CTNNA3: variants seen among roughly 807,000 people sequenced by gnomAD.
The protein encoded by CTNNA3 is catenin alpha-3.
CTNNA3 carries 76 observed loss-of-function variants against 95.7 expected under a neutral mutation model. The observed-to-expected ratio is 0.79, with a 90% confidence interval of 0.66 to 0.96. CTNNA3 has a LOEUF of 0.96. Ranked by LOEUF, CTNNA3 falls within the 40% of genes least tolerant of loss-of-function variation. The probability of loss-of-function intolerance (pLI) is 0.00; values close to 1 mark genes in which losing one functional copy is unlikely to be tolerated. For missense variants in CTNNA3, 1,191 were observed against 1,089.8 expected, an observed-to-expected ratio of 1.09 and a Z score of -1.31; for synonymous variants, 431 against 374.4, an observed-to-expected ratio of 1.15 and a Z score of -1.74.
intron 3 of CTNNA3, among the ~76,000 whole-genome samples, chr10:67,589,815 T>C (rs1842739851): frequency 6.6e-6 from 1 of 152,162 alleles, no homozygotes; most frequent in Admixed American, 6.6e-5. Flanking sequence ...TTCAAGTAAA[T>C]TTCAACCAAG....
At position 66,386,368 on chromosome 10, in the gene CTNNA3, C is replaced by A. The variant is rs1406015761; in HGVS notation, c.1532-7016G>T. Reference sequence around the variant, plus strand: ...CAATTGCTTCAAAGAGAATAAAATACCTAGGAATCCAACTTACAAGGGAAG... The same window carrying A: ...CAATTGCTTCAAAGAGAATAAAATAACTAGGAATCCAACTTACAAGGGAAG... On this transcript the variant is annotated intron_variant, in intron 11 of 17. Transcript: ENST00000433211. 2.0e-5 allele frequency among the ~76,000 whole-genome samples: 3 copies of A among 152,022 alleles called. No homozygotes were observed. In the East Asian group the frequency reaches 5.8e-4, roughly 29 times the overall value.
chr10:66,728,769 G>A (rs1848858124), intron 9 of CTNNA3, among the ~76,000 whole-genome samples: 1 of 151,998 alleles, frequency 6.6e-6, no homozygotes, highest in African/African-American at 2.4e-5. Context: ...TGTATTTTTA[G>A]TAGAGACAGG....
chr10:66,241,028 C>T (rs1481359573), intron 13 of CTNNA3, among the ~76,000 whole-genome samples: 1 of 145,022 alleles, frequency 6.9e-6, no homozygotes, highest in Non-Finnish European at 1.5e-5. Context: ...CCATGGATTG[C>T]CTTACACATA....
At chr10:66,002,866 G>A (rs570058431) in intron 15 of CTNNA3, among the ~76,000 whole-genome samples, 23 of 152,298 alleles carry the variant, frequency 1.5e-4, no homozygotes, top group African/African-American at 5.3e-4. Context: ...TATTCCGTTC[G>A]GGAAAGAAAA....
intron 16 of CTNNA3, among the ~76,000 whole-genome samples, chr10:65,969,538 C>A (rs954499474): frequency 1.3e-5 from 2 of 152,058 alleles, no homozygotes; most frequent in Non-Finnish European, 2.9e-5. Context: ...CTTTTTAAAG[C>A]AATCCAGAGA....
At chr10:65,952,607 A>C (rs2077643074) in intron 17 of CTNNA3, among the ~76,000 whole-genome samples, 1 of 152,126 alleles carries the variant, frequency 6.6e-6, no homozygotes, top group Admixed American at 6.6e-5. Flanking sequence ...AGGTTCAGAA[A>C]GCTCATTAAC....
At chr10:66,087,493 G>C (rs1455727343) in intron 14 of CTNNA3, among the ~76,000 whole-genome samples, 2 of 151,758 alleles carry the variant, frequency 1.3e-5, no homozygotes, top group Admixed American at 1.3e-4. Context: ...CTACAACAAA[G>C]AATTGTCTGG....
At chr10:66,443,785 A>C (rs928541018) in intron 11 of CTNNA3, among the ~76,000 whole-genome samples, 1 of 152,202 alleles carries the variant, frequency 6.6e-6, no homozygotes, top group African/African-American at 2.4e-5. Context: ...CTCCAAAGGA[A>C]CACAGCTCCT....
At chr10:66,568,618 C>G (rs1842781546) in intron 10 of CTNNA3, among the ~76,000 whole-genome samples, 1 of 151,984 alleles carries the variant, frequency 6.6e-6, no homozygotes, top group South Asian at 2.1e-4. Flanking sequence ...TTCCATTGCA[C>G]AGTTAAAGAG....
At chr10:67,174,051 T>G (rs1002909322) in intron 7 of CTNNA3, among the ~76,000 whole-genome samples, 1 of 152,226 alleles carries the variant, frequency 6.6e-6, no homozygotes, top group Non-Finnish European at 1.5e-5. Flanking sequence ...GATTGCTCTC[T>G]GCAAGACTTA....
intron 7 of CTNNA3, among the ~76,000 whole-genome samples, chr10:67,145,425 AAATTTTTTT>A (rs1860791819): frequency 7.5e-6 from 1 of 132,712 alleles, no homozygotes; most frequent in Non-Finnish European, 1.6e-5. Flanking sequence ...ATTATTTTTT[AAATTTTTTT>A]AGTTTTTTTT....
At chr10:67,375,957 C>T (rs1843672325) in intron 5 of CTNNA3, among the ~76,000 whole-genome samples, 1 of 152,062 alleles carries the variant, frequency 6.6e-6, no homozygotes, top group South Asian at 2.1e-4. Context: ...GATCAGTGCT[C>T]TTATAAAAGA....
chr10:65,975,697 C>G (rs1406858108), intron 16 of CTNNA3, among the ~76,000 whole-genome samples: 2 of 152,206 alleles, frequency 1.3e-5, no homozygotes, highest in East Asian at 3.9e-4. Flanking sequence ...CTTTAGTACT[C>G]AAAGCACCAT....
At chr10:66,064,558 C>T (rs1175761058) in intron 15 of CTNNA3, among the ~76,000 whole-genome samples, 3 of 152,008 alleles carry the variant, frequency 2.0e-5, no homozygotes, top group African/African-American at 4.8e-5. Context: ...ATAAGACCCC[C>T]CAGGGAAAAG....
At chr10:66,627,266 C>A (rs1342443119) in intron 9 of CTNNA3, among the ~76,000 whole-genome samples, 2 of 152,046 alleles carry the variant, frequency 1.3e-5, no homozygotes, top group African/African-American at 4.8e-5. Context: ...CACTGATTTC[C>A]CTCGGAGAAC....
intron 5 of CTNNA3, among the ~76,000 whole-genome samples, chr10:67,498,240 T>C (rs10047343): frequency 0.072 from 10,960 of 152,222 alleles, 476 homozygotes; most frequent in South Asian, 0.14. Flanking sequence ...GATCAGATGG[T>C]TGTAGATGTG....
chr10:67,054,791 C>T (rs1472718448), intron 7 of CTNNA3: 2 of 152,054 alleles, frequency 1.3e-5, no homozygotes, highest in Non-Finnish European at 2.9e-5. Context: ...TTAATGGTAC[C>T]AACTCAGTAA....
chr10:67,264,669 T>C (rs1023070979), intron 5 of CTNNA3, among the ~76,000 whole-genome samples: 1 of 152,200 alleles, frequency 6.6e-6, no homozygotes, highest in Admixed American at 6.5e-5. Flanking sequence ...CTTCATCTTT[T>C]ATGTGTTTGT....
At chr10:66,426,714 T>TAC (rs2093244877) in intron 11 of CTNNA3, among the ~76,000 whole-genome samples, 1 of 151,938 alleles carries the variant, frequency 6.6e-6, no homozygotes, top group Non-Finnish European at 1.5e-5. Flanking sequence ...AGTTAAGGAT[T>TAC]GTGTTTATTG....
Sources: gnomAD v4.1 joint callset for allele counts (sites outside exome capture counted in the v4.1 genomes callset) on GRCh38, gnomAD v4.1.1 for gene constraint, MANE v1.5 for transcripts, NCBI Gene and HGNC (gene_info 2026-07-23, HGNC 2026-07-21) for gene names.